NDUFS4: variants seen among roughly 807,000 people sequenced by gnomAD.
NDUFS4 encodes NADH:ubiquinone oxidoreductase subunit S4, also known as NADH dehydrogenase [ubiquinone] iron-sulfur protein 4, mitochondrial.
NDUFS4 carries 28 observed loss-of-function variants against 24.3 expected under a neutral mutation model. The observed-to-expected ratio is 1.15, with a 90% confidence interval of 0.85 to 1.58. The LOEUF (loss-of-function observed/expected upper bound fraction) is 1.58. NDUFS4 is among the 40% of genes most tolerant of loss of function. The probability of loss-of-function intolerance (pLI) is 0.00; values close to 1 mark genes in which losing one functional copy is unlikely to be tolerated. For synonymous variants in NDUFS4, 93 were observed against 69.7 expected, an observed-to-expected ratio of 1.34 and a Z score of -1.67; for missense variants, 223 against 207.9, an observed-to-expected ratio of 1.07 and a Z score of -0.45.
intron 4 of NDUFS4, among the ~76,000 whole-genome samples, chr5:53,667,887 T>C (rs898709737): frequency 6.6e-6 from 1 of 152,208 alleles, no homozygotes; most frequent in African/African-American, 2.4e-5. Flanking sequence ...CCAAAAACTA[T>C]AGACTTAAGG....
chr5:53,587,019 T>TC (rs1332022794), intron 1 of NDUFS4, among the ~76,000 whole-genome samples: 1 of 152,178 alleles, frequency 6.6e-6, no homozygotes, highest in Non-Finnish European at 1.5e-5. Context: ...AGACGGGGTT[T>TC]CACCATGTTG....
At chr5:53,624,795 T>A (rs1404462024) in intron 2 of NDUFS4, among the ~76,000 whole-genome samples, 1 of 152,206 alleles carries the variant, frequency 6.6e-6, no homozygotes, top group Non-Finnish European at 1.5e-5. Context: ...TCTTTACAAG[T>A]TTGGATGGCT....
intron 4 of NDUFS4, among the ~76,000 whole-genome samples, chr5:53,660,084 A>G (rs1036400304): frequency 1.3e-5 from 2 of 151,540 alleles, no homozygotes; most frequent in Admixed American, 1.3e-4. Context: ...TACATGTGCC[A>G]TGTTGGTGTG....
chr5:53,667,352 CT>C (rs1243302405), intron 4 of NDUFS4, among the ~76,000 whole-genome samples: 1 of 152,058 alleles, frequency 6.6e-6, no homozygotes, highest in Non-Finnish European at 1.5e-5. Context: ...GTAATCCCAG[CT>C]ACTCAGGAGG....
intron 1 of NDUFS4, among the ~76,000 whole-genome samples, chr5:53,585,640 G>A (rs1195553697): frequency 6.6e-6 from 1 of 152,082 alleles, no homozygotes; most frequent in East Asian, 1.9e-4. Context: ...TACTTGGAAG[G>A]CTGAGGCAGG....
At chr5:53,631,589 A>C (rs1411412882) in intron 2 of NDUFS4, among the ~76,000 whole-genome samples, 12 of 152,172 alleles carry the variant, frequency 7.9e-5, no homozygotes, top group Admixed American at 7.9e-4. Flanking sequence ...CTGCCCATAG[A>C]GGTGGAATCT....
intron 4 of NDUFS4, among the ~76,000 whole-genome samples, chr5:53,668,968 A>G (rs1245979070): frequency 6.6e-6 from 1 of 152,042 alleles, no homozygotes; most frequent in African/African-American, 2.4e-5. Flanking sequence ...TGTCACATTA[A>G]GTAACAGGGA....
intron 4 of NDUFS4, 41 bp from the exon 5 acceptor site, chr5:53,683,077 A>T: frequency 7.6e-7 from 1 of 1,318,610 alleles, no homozygotes; most frequent in Non-Finnish European, 1.1e-6. Flanking sequence ...TATCCTCTTT[A>T]ATTCTGTTTC....
intron 1 of NDUFS4, among the ~76,000 whole-genome samples, chr5:53,569,090 AATACAGATGT>A (rs1476464740): frequency 2.0e-5 from 3 of 152,142 alleles, no homozygotes; most frequent in Non-Finnish European, 2.9e-5. Flanking sequence ...CTTTAAAGTG[AATACAGATGT>A]TTTGGCTCTT....
intron 1 of NDUFS4, among the ~76,000 whole-genome samples, chr5:53,584,793 A>G (rs1422345992): frequency 1.6e-5 from 2 of 126,528 alleles, no homozygotes; most frequent in Admixed American, 8.2e-5. Context: ...GTTTTGAGAT[A>G]GTCTCACTCT....
intron 4 of NDUFS4, among the ~76,000 whole-genome samples, chr5:53,670,525 T>C (rs955790509): frequency 1.2e-4 from 18 of 145,978 alleles, no homozygotes; most frequent in Non-Finnish European, 2.5e-4. Flanking sequence ...ATTTTACATA[T>C]TTCCTTTTAT....
At chr5:53,577,870 T>C (rs1026122176) in intron 1 of NDUFS4, among the ~76,000 whole-genome samples, 6 of 152,202 alleles carry the variant, frequency 3.9e-5, no homozygotes, top group African/African-American at 1.2e-4. Context: ...GTGTATAACA[T>C]CCCAGCTAAC....
chr5:53,597,638 C>T (rs923644910), intron 1 of NDUFS4, among the ~76,000 whole-genome samples: 1 of 152,044 alleles, frequency 6.6e-6, no homozygotes, highest in Admixed American at 6.6e-5. Context: ...ACAATATTTA[C>T]AAGATCTATA....
At chr5:53,660,760 G>C (rs555395262) in intron 4 of NDUFS4, among the ~76,000 whole-genome samples, 1 of 152,184 alleles carries the variant, frequency 6.6e-6, no homozygotes, top group Non-Finnish European at 1.5e-5. Context: ...GTGATGATGG[G>C]CATTTTTTCA....
Position 53,643,573 on chromosome 5 carries a change from C to T in NDUFS4, c.178-2660C>T, listed in dbSNP as rs74823421. On this transcript the variant is annotated intron_variant, in intron 2 of 4. Coordinates refer to ENST00000296684, the MANE Select transcript of NDUFS4 (RefSeq NM_002495.4). ...GAATCTTGGAGTGGGAGCTTTAGCC[C>T]ATTGAAATGTGCTTAAAGAACAGGT... is the stretch of plus-strand genomic sequence containing the variant. Among the ~76,000 whole-genome samples, 169 of 152,136 alleles carry T rather than the reference C, an allele frequency of 1.1e-3. 2 individuals are homozygous for T. In the East Asian group the frequency reaches 0.027, roughly 25 times the overall value.
At position 53,560,689 on chromosome 5, in the gene NDUFS4, A is replaced by G. The variant is rs548847797; in HGVS notation, c.27A>G (p.Val9=). 2 of 1,614,236 alleles carry G rather than the reference A, an allele frequency of 1.2e-6. No individual in the cohort carries two copies. Among genetic ancestry groups the G allele is most frequent in the South Asian group, 1.1e-5 (1 of 91,088 alleles). The change falls in exon 1 of 5, where the codon GTA becomes GTG. Residue 9 remains valine (V), a synonymous_variant. Transcript: ENST00000296684. ...TGGCGGCGGTGTCAATGTCAGTGGT[A>G]CTGAGGCAGACGTTGTGGCGGAGAA... The part of the protein sequence containing the change: MAAVSMSV[V]LRQTLWRRRA...
chr5:53,652,194 G>T (rs1010071004), intron 3 of NDUFS4, among the ~76,000 whole-genome samples: 1 of 152,050 alleles, frequency 6.6e-6, no homozygotes, highest in Admixed American at 6.5e-5. Flanking sequence ...TTGGAAGTGT[G>T]CAGTATAAGA....
intron 2 of NDUFS4, among the ~76,000 whole-genome samples, chr5:53,643,504 C>T (rs1579911507): frequency 6.6e-6 from 1 of 152,114 alleles, no homozygotes; most frequent in Admixed American, 6.6e-5. Flanking sequence ...TAGAGTTCAG[C>T]ATAGTGCCTC....
chr5:53,618,146 C>T (rs1301643201), intron 2 of NDUFS4, among the ~76,000 whole-genome samples: 5 of 152,118 alleles, frequency 3.3e-5, no homozygotes, highest in Middle Eastern at 3.4e-3. Flanking sequence ...GTGGCGCGTG[C>T]CTGTGGTCCT....
Sources: gnomAD v4.1 joint callset for allele counts (sites outside exome capture counted in the v4.1 genomes callset) on GRCh38, gnomAD v4.1.1 for gene constraint, MANE v1.5 for transcripts, NCBI Gene and HGNC (gene_info 2026-07-23, HGNC 2026-07-21) for gene names.